CADM2: variants seen among roughly 807,000 people sequenced by gnomAD.
CADM2 encodes immunoglobulin superfamily member 4D.
Under a neutral mutation model 49.8 loss-of-function variants are expected in CADM2, and 12 were observed. That is an observed-to-expected ratio of 0.24 (90% CI 0.15 to 0.39). The LOEUF (loss-of-function observed/expected upper bound fraction) is 0.39, where lower values mean the gene tolerates loss of function less well. Among genes scored for constraint, CADM2 ranks in the 10% least tolerant of loss-of-function variants. The pLI is 1.00. For missense variants in CADM2, 378 were observed against 492.3 expected (o/e 0.77, Z 2.20); for synonymous variants, 214 against 175.4 (o/e 1.22, Z -1.74).
chr3:85,335,508 T>A (rs187886608), intron 1 of CADM2, among the ~76,000 whole-genome samples: 1 of 151,636 alleles, frequency 6.6e-6, no homozygotes, highest in East Asian at 1.9e-4. Flanking sequence ...CAATGTGTAA[T>A]GAACAAATTG....
At chr3:85,292,729 C>A (rs941445455) in intron 1 of CADM2, among the ~76,000 whole-genome samples, 2 of 152,056 alleles carry the variant, frequency 1.3e-5, no homozygotes, top group Admixed American at 6.6e-5. Context: ...TAAAGATGTT[C>A]TTTGAAATCA....
At chr3:85,729,773 G>T in intron 2 of CADM2, among the ~76,000 whole-genome samples, 1 of 152,002 alleles carries the variant, frequency 6.6e-6, no homozygotes, top group East Asian at 1.9e-4. Flanking sequence ...TTTCTAGATA[G>T]GTTTCTCTTG....
intron 8 of CADM2, among the ~76,000 whole-genome samples, chr3:86,048,016 T>A (rs1736872115): frequency 6.6e-6 from 1 of 152,122 alleles, no homozygotes; most frequent in South Asian, 2.1e-4. Flanking sequence ...TGTTTTTACA[T>A]AATAAGAAAA....
intron 3 of CADM2, among the ~76,000 whole-genome samples, chr3:85,877,694 T>TG (rs1365947552): frequency 2.0e-5 from 3 of 146,932 alleles, no homozygotes; most frequent in African/African-American, 7.4e-5. Context: ...GTTTTTTTTT[T>TG]TTTTTTTTTG....
At chr3:84,984,993 A>G (rs906464179) in intron 1 of CADM2, among the ~76,000 whole-genome samples, 1 of 152,192 alleles carries the variant, frequency 6.6e-6, no homozygotes, top group Non-Finnish European at 1.5e-5. Context: ...TTGTTAATCC[A>G]GTTCTCTATA....
At chr3:85,607,491 A>T (rs1444963632) in intron 1 of CADM2, among the ~76,000 whole-genome samples, 1 of 152,096 alleles carries the variant, frequency 6.6e-6, no homozygotes, top group Non-Finnish European at 1.5e-5. Context: ...TGTATAATTT[A>T]AAATAACTAA....
At chr3:85,916,353 G>T (rs1196676150) in intron 6 of CADM2, among the ~76,000 whole-genome samples, 1 of 127,104 alleles carries the variant, frequency 7.9e-6, no homozygotes, top group Non-Finnish European at 1.5e-5. Flanking sequence ...CCCAGTGTGT[G>T]ATGTTCCCCT....
chr3:85,558,358 G>A (rs1470928804), intron 1 of CADM2, among the ~76,000 whole-genome samples: 1 of 151,704 alleles, frequency 6.6e-6, no homozygotes, highest in Non-Finnish European at 1.5e-5. Context: ...ACCTTATTTG[G>A]GAAGTAGAAA....
chr3:85,818,277 C>A (rs1170879682), intron 3 of CADM2, among the ~76,000 whole-genome samples: 2 of 152,088 alleles, frequency 1.3e-5, no homozygotes, highest in African/African-American at 4.8e-5. Flanking sequence ...TCCTTCCTTT[C>A]CTGACTCTGT....
chr3:85,512,762 A>C (rs2060801006), intron 1 of CADM2, among the ~76,000 whole-genome samples: 1 of 148,642 alleles, frequency 6.7e-6, no homozygotes, highest in African/African-American at 2.4e-5. Context: ...TGTAAAGATC[A>C]TACATACAAC....
At chr3:85,072,225 T>C (rs375017939) in intron 1 of CADM2, among the ~76,000 whole-genome samples, 1 of 151,862 alleles carries the variant, frequency 6.6e-6, no homozygotes, top group South Asian at 2.1e-4. Context: ...TCAGAAAAAA[T>C]TCCCCTGAAA....
At chr3:85,076,303 T>TTATGTGTG (rs760904086) in intron 1 of CADM2, among the ~76,000 whole-genome samples, 1 of 139,256 alleles carries the variant, frequency 7.2e-6, no homozygotes, top group Non-Finnish European at 1.5e-5. Context: ...AAAAAAGAAA[T>TTATGTGTG]TGTGTGTGTG....
chr3:85,879,807 C>T (rs1323294538), intron 3 of CADM2, among the ~76,000 whole-genome samples: 2 of 152,088 alleles, frequency 1.3e-5, no homozygotes, highest in Non-Finnish European at 2.9e-5. Context: ...AATAGTCTTA[C>T]TTGGCTTTCA....
intron 1 of CADM2, among the ~76,000 whole-genome samples, chr3:85,266,832 A>G (rs2043130835): frequency 6.6e-6 from 1 of 151,846 alleles, no homozygotes; most frequent in Admixed American, 6.6e-5. Context: ...CATCAGATCA[A>G]TGACTTGACA....
At chr3:85,618,488 C>T (rs1336871315) in intron 1 of CADM2, among the ~76,000 whole-genome samples, 2 of 152,042 alleles carry the variant, frequency 1.3e-5, no homozygotes, top group African/African-American at 2.4e-5. Flanking sequence ...TTTTTGTACT[C>T]TTCTTTGATT....
At chr3:85,798,565 G>T (rs1012015919) in intron 2 of CADM2, among the ~76,000 whole-genome samples, 1 of 152,162 alleles carries the variant, frequency 6.6e-6, no homozygotes. Context: ...GTTTGTCAAA[G>T]ATCAGATGGT....
chr3:85,120,892 C>T lies in CADM2; in HGVS notation c.61+161224C>T, dbSNP rs971545027. Among the ~76,000 whole-genome samples the T allele has an allele frequency of 6.6e-5, 10 of 152,242 alleles. No homozygotes were observed. The East Asian group carries it at 1.4e-3, about 21-fold the overall frequency. On this transcript the variant is annotated intron_variant, in intron 1 of 9. Transcript: ENST00000383699. Reference sequence around the variant, plus strand: ...GAAATCTCAGCTGGTAAGATTCACTCGACAAATCTTCATTGTAATAAACAG... The same window carrying T: ...GAAATCTCAGCTGGTAAGATTCACTTGACAAATCTTCATTGTAATAAACAG...
At chr3:85,678,064 A>C (rs1012642764) in intron 1 of CADM2, among the ~76,000 whole-genome samples, 4 of 152,220 alleles carry the variant, frequency 2.6e-5, no homozygotes, top group African/African-American at 9.6e-5. Flanking sequence ...GAAGAATAGT[A>C]TAATACTATG....
intron 1 of CADM2, among the ~76,000 whole-genome samples, chr3:85,447,897 A>T (rs2037544201): frequency 6.6e-6 from 1 of 152,064 alleles, no homozygotes; most frequent in African/African-American, 2.4e-5. Flanking sequence ...AATGATTCTT[A>T]TTTGTCTTTG....
Sources: gnomAD v4.1 joint callset for allele counts (sites outside exome capture counted in the v4.1 genomes callset) on GRCh38, gnomAD v4.1.1 for gene constraint, MANE v1.5 for transcripts, NCBI Gene and HGNC (gene_info 2026-07-23, HGNC 2026-07-21) for gene names.